The following IMMP2L variants were observed in gnomAD, a reference collection of about 807,000 sequenced individuals.
The protein encoded by IMMP2L is mitochondrial inner membrane protease subunit 2.
IMMP2L carries 18 observed loss-of-function variants against 19.3 expected under a neutral mutation model. The observed-to-expected ratio is 0.93, with a 90% CI of 0.64 to 1.38. The LOEUF (loss-of-function observed/expected upper bound fraction) is 1.38. Ranked by LOEUF, IMMP2L falls within the 40% of genes most tolerant of loss-of-function variation. The probability of loss-of-function intolerance (pLI) is 0.00; values close to 1 mark genes in which losing one functional copy is unlikely to be tolerated. For synonymous variants in IMMP2L, 76 were observed against 73.0 expected (o/e 1.04, Z -0.21); for missense variants, 233 against 218.2 (o/e 1.07, Z -0.43).
At position 111,123,094 on chromosome 7, in the gene IMMP2L, A is replaced by C; in HGVS notation, c.240-159529T>G. On this transcript the variant is annotated intron_variant, in intron 3 of 5. Transcript: ENST00000405709. This position sits in a 1 kb window ranked among gnomAD's most constrained non-coding sequence, Gnocchi z 6.4. ...ATCTCAAAACAATTTATCTTCAGTCACCAATATTAATGTAAAAAAGATGCC... is the reference window on the plus strand; with the variant it reads ...ATCTCAAAACAATTTATCTTCAGTCCCCAATATTAATGTAAAAAAGATGCC... The C allele has an allele frequency of 6.2e-7, 1 of 1,613,732 alleles. No homozygotes were observed.
At chr7:111,319,250 C>T (rs1824424960) in intron 3 of IMMP2L, among the ~76,000 whole-genome samples, 1 of 152,082 alleles carries the variant, frequency 6.6e-6, no homozygotes, top group Non-Finnish European at 1.5e-5. Context: ...CAATATAAAG[C>T]TGTGACCTTG....
At chr7:110,719,966 G>C (rs988785656) in intron 5 of IMMP2L, among the ~76,000 whole-genome samples, 1 of 152,142 alleles carries the variant, frequency 6.6e-6, no homozygotes, top group Non-Finnish European at 1.5e-5. Context: ...ATATGTTCTT[G>C]CTCCTGACAG....
At chr7:111,353,161 T>A (rs546764643) in intron 3 of IMMP2L, among the ~76,000 whole-genome samples, 8 of 152,298 alleles carry the variant, frequency 5.3e-5, no homozygotes, top group South Asian at 4.1e-4. Flanking sequence ...CACACTATCA[T>A]CAGACAGGGG....
At chr7:111,280,620 G>C (rs1435504752) in intron 3 of IMMP2L, among the ~76,000 whole-genome samples, 5 of 152,120 alleles carry the variant, frequency 3.3e-5, no homozygotes, top group Non-Finnish European at 7.3e-5. Context: ...TGATGAACTG[G>C]TCTTCCGAGA....
chr7:110,823,379 CTT>C (rs1271253853), intron 5 of IMMP2L, among the ~76,000 whole-genome samples: 2 of 151,950 alleles, frequency 1.3e-5, no homozygotes. Context: ...TTACTTGACT[CTT>C]GACTCAAAGA....
intron 5 of IMMP2L, among the ~76,000 whole-genome samples, chr7:110,759,649 T>G (rs1214445222): frequency 2.6e-5 from 4 of 152,254 alleles, no homozygotes; most frequent in South Asian, 2.1e-4. Context: ...TGGAGCTGCT[T>G]TATTTCCTTT....
chr7:111,117,928 T>C (rs1013864577), intron 3 of IMMP2L, among the ~76,000 whole-genome samples: 2 of 152,262 alleles, frequency 1.3e-5, no homozygotes, highest in Middle Eastern at 3.4e-3. Context: ...CACACTTTGT[T>C]CTTAAGCTTT....
intron 3 of IMMP2L, among the ~76,000 whole-genome samples, chr7:111,039,750 C>A (rs1314493976): frequency 6.6e-6 from 1 of 152,186 alleles, no homozygotes; most frequent in African/African-American, 2.4e-5. Flanking sequence ...CATCTCTATT[C>A]CTCCCTTAAT....
intron 4 of IMMP2L, among the ~76,000 whole-genome samples, chr7:110,888,013 A>G (rs925807649): frequency 9.2e-5 from 14 of 152,276 alleles, no homozygotes; most frequent in African/African-American, 3.4e-4. Flanking sequence ...ACTATTCATT[A>G]TCTAGGATGG....
intron 3 of IMMP2L, among the ~76,000 whole-genome samples, chr7:111,429,444 T>C (rs1418466224): frequency 6.6e-6 from 1 of 151,762 alleles, no homozygotes; most frequent in Non-Finnish European, 1.5e-5. Flanking sequence ...TTTCCACACA[T>C]AGACCAGGGA....
In IMMP2L at chr7:111,363,917, C is replaced by T. The variant is rs1829499936; in HGVS notation, c.239+123321G>A. Among the ~76,000 whole-genome samples, 6 of 151,910 alleles carry T rather than the reference C, an allele frequency of 3.9e-5. No individual in the cohort carries two copies. In the South Asian group the frequency reaches 1.2e-3, roughly 31 times the overall value. The stretch of plus-strand genomic sequence containing the variant: ...TGTCCCTTACCAGAATATCCATTCC[C>T]TATTTATTGCCTAGCTGATTATCAC... On this transcript the variant is annotated intron_variant, in intron 3 of 5. Transcript: ENST00000405709.
intron 3 of IMMP2L, among the ~76,000 whole-genome samples, chr7:110,996,876 G>A (rs1311788420): frequency 6.6e-6 from 1 of 152,010 alleles, no homozygotes; most frequent in East Asian, 1.9e-4. Flanking sequence ...AGGTTTACAT[G>A]CAGTTAGTTG....
At chr7:111,291,886 T>C (rs755429876) in intron 3 of IMMP2L, among the ~76,000 whole-genome samples, 1 of 152,122 alleles carries the variant, frequency 6.6e-6, no homozygotes, top group African/African-American at 2.4e-5. Context: ...TATCTGTCCA[T>C]TGAAAATAAA....
At chr7:110,844,627 A>G (rs948029824) in intron 5 of IMMP2L, among the ~76,000 whole-genome samples, 2 of 145,018 alleles carry the variant, frequency 1.4e-5, no homozygotes, top group Non-Finnish European at 3.0e-5. Flanking sequence ...GTAGTTTAGA[A>G]AGATAAATCT....
chr7:111,002,064 T>C (rs560808555), intron 3 of IMMP2L, among the ~76,000 whole-genome samples: 1 of 152,216 alleles, frequency 6.6e-6, no homozygotes, highest in Admixed American at 6.5e-5. Flanking sequence ...ATAATAACTA[T>C]AGCCTTTTTC....
At chr7:111,062,726 C>T (rs1305478555) in intron 3 of IMMP2L, among the ~76,000 whole-genome samples, 1 of 152,174 alleles carries the variant, frequency 6.6e-6, no homozygotes, top group Non-Finnish European at 1.5e-5. Flanking sequence ...AAAGGAGATA[C>T]AGGCCTCATG....
At chr7:110,874,517 T>C (rs1029074922) in intron 5 of IMMP2L, among the ~76,000 whole-genome samples, 3 of 152,058 alleles carry the variant, frequency 2.0e-5, no homozygotes, top group Non-Finnish European at 4.4e-5. Context: ...TAATATAATA[T>C]TATTATACCA....
intron 3 of IMMP2L, among the ~76,000 whole-genome samples, chr7:111,112,222 C>T (rs1347448220): frequency 1.3e-5 from 2 of 152,020 alleles, no homozygotes; most frequent in Non-Finnish European, 2.9e-5. Flanking sequence ...ACTTCGCCTC[C>T]CAAAGTGCTG....
intron 2 of IMMP2L, among the ~76,000 whole-genome samples, chr7:111,495,907 A>C (rs765413424): frequency 8.5e-5 from 13 of 152,126 alleles, no homozygotes; most frequent in Non-Finnish European, 1.9e-4. Flanking sequence ...TAAATATCAA[A>C]CTTTGTGCTT....
Sources: allele counts gnomAD v4.1 joint callset (sites outside exome capture counted in the v4.1 genomes callset), GRCh38; gene constraint gnomAD v4.1.1; non-coding constraint Gnocchi (gnomAD v3.1); transcripts MANE v1.5; gene names NCBI Gene and HGNC (gene_info 2026-07-23, HGNC 2026-07-21).